Variants in ESRRB observed in about 807,000 individuals in gnomAD.
ESRRB encodes estrogen related receptor beta, also known as steroid hormone receptor ERR2.
In ESRRB, 16 loss-of-function variants were observed where a neutral mutation model predicts 46.0. The observed-to-expected ratio is 0.35, with a 90% CI of 0.24 to 0.53. The LOEUF is 0.53. ESRRB is among the 20% of genes least tolerant of loss of function. ESRRB has a pLI of 0.93. For missense variants in ESRRB, 488 were observed against 607.4 expected (o/e 0.80, Z 2.07); for synonymous variants, 246 against 259.6 (o/e 0.95, Z 0.50).
intron 1 of ESRRB, among the ~76,000 whole-genome samples, chr14:76,412,766 T>C (rs1166356700): frequency 1.3e-5 from 2 of 152,192 alleles, no homozygotes; most frequent in African/African-American, 4.8e-5. Context: ...TAGCTGGCTT[T>C]GCTAATGCAT....
chr14:76,386,398 A>AT (rs1054213960), intron 1 of ESRRB, among the ~76,000 whole-genome samples: 3 of 142,256 alleles, frequency 2.1e-5, no homozygotes, highest in Admixed American at 7.0e-5. Flanking sequence ...CATTGCTCTT[A>AT]TTTTTTTTCT....
intron 1 of ESRRB, among the ~76,000 whole-genome samples, chr14:76,335,345 C>T (rs1337095026): frequency 6.6e-6 from 1 of 152,200 alleles, no homozygotes; most frequent in East Asian, 1.9e-4. Context: ...GGCACTGTGT[C>T]TGGCTGGCTC....
At chr14:76,441,775 G>A (rs1441836232) in intron 2 of ESRRB, among the ~76,000 whole-genome samples, 1 of 152,184 alleles carries the variant, frequency 6.6e-6, no homozygotes, top group African/African-American at 2.4e-5. Flanking sequence ...GCGATGAGCT[G>A]GTGCCATCCA....
At chr14:76,313,524 T>A (rs1022178753) in intron 1 of ESRRB, among the ~76,000 whole-genome samples, 1 of 152,068 alleles carries the variant, frequency 6.6e-6, no homozygotes, top group Admixed American at 6.5e-5. Flanking sequence ...TCCTCCCAAA[T>A]TGGGGACAGT....
At chr14:76,452,643 C>CAAAAAA (rs397700387) in intron 2 of ESRRB, among the ~76,000 whole-genome samples, 2 of 94,376 alleles carry the variant, frequency 2.1e-5, no homozygotes, top group Non-Finnish European at 2.0e-5. Context: ...AAAACAAAAA[C>CAAAAAA]AAAACAAAAC....
chr14:76,458,982 C>T (rs188370428), intron 2 of ESRRB, among the ~76,000 whole-genome samples: 268 of 151,954 alleles, frequency 1.8e-3, no homozygotes, highest in African/African-American at 6.2e-3. Flanking sequence ...CTAGCTGGGA[C>T]TACAGGTGTG....
At chr14:76,440,260 A>T (rs1304708655) in intron 2 of ESRRB, among the ~76,000 whole-genome samples, 1 of 152,046 alleles carries the variant, frequency 6.6e-6, no homozygotes, top group African/African-American at 2.4e-5. Context: ...TCAAGCCAGG[A>T]GTTGAGACCA....
intron 1 of ESRRB, among the ~76,000 whole-genome samples, chr14:76,379,122 C>G (rs1346798694): frequency 1.3e-5 from 2 of 152,222 alleles, no homozygotes; most frequent in East Asian, 3.9e-4. Flanking sequence ...TGAACACACA[C>G]AGAGAGAAAC....
At chr14:76,369,133 G>A (rs536655677), upstream of ESRRB, among the ~76,000 whole-genome samples, 347 of 150,222 alleles carry the variant, frequency 2.3e-3, 1 homozygote, top group Non-Finnish European at 3.8e-3. Flanking sequence ...GGAGTCAGAG[G>A]TTGCAGTGAG....
chr14:76,463,259 T>C (rs55835922), intron 3 of ESRRB: 56,842 of 174,370 alleles, frequency 0.33, 10,850 homozygotes, highest in African/African-American at 0.55. Flanking sequence ...GGCTCCCGAG[T>C]GCTGGTCCAA....
At chr14:76,494,374 T>C (rs1173699020) in intron 6 of ESRRB, among the ~76,000 whole-genome samples, 3 of 151,192 alleles carry the variant, frequency 2.0e-5, no homozygotes, top group Admixed American at 6.6e-5. Flanking sequence ...TGGTGCAATC[T>C]CGGCCCACTG....
intron 2 of ESRRB, among the ~76,000 whole-genome samples, chr14:76,458,876 G>A (rs550014306): frequency 4.2e-4 from 56 of 131,934 alleles, no homozygotes; most frequent in African/African-American, 1.6e-3. Flanking sequence ...ACAGAGTCTC[G>A]CTCTGTCACC....
chr14:76,419,475 C>T (rs1304209444), intron 1 of ESRRB, among the ~76,000 whole-genome samples: 2 of 152,042 alleles, frequency 1.3e-5, no homozygotes, highest in African/African-American at 2.4e-5. Flanking sequence ...GAATATTCAC[C>T]CCCGAGCCTC....
intron 3 of ESRRB, chr14:76,463,187 T>G: frequency 4.7e-6 from 1 of 211,262 alleles, no homozygotes; most frequent in Non-Finnish European, 9.6e-6. Flanking sequence ...CTCTCCTTTC[T>G]CTCCCTGCGT....
chr14:76,419,870 G>T (rs1169154123), intron 1 of ESRRB, among the ~76,000 whole-genome samples: 3 of 148,998 alleles, frequency 2.0e-5, no homozygotes, highest in African/African-American at 7.3e-5. Flanking sequence ...GCCCGGCAGA[G>T]GGGGCAGGCA....
At chr14:76,358,396 AAAGAAAGAAAG>A (rs1595054007) in intron 1 of ESRRB, among the ~76,000 whole-genome samples, 32 of 136,100 alleles carry the variant, frequency 2.4e-4, no homozygotes, top group Non-Finnish European at 1.7e-4. Flanking sequence ...AGAAAGAAAG[AAAGAAAGAAAG>A]AAAGAAAAGA....
upstream of ESRRB, chr14:76,376,117 C>T: frequency 3.3e-6 from 1 of 300,012 alleles, no homozygotes; most frequent in East Asian, 5.2e-5. The surrounding 1 kb of genome is among the most constrained non-coding windows in gnomAD (Gnocchi z 4.1). Flanking sequence ...CTTAAAGCTA[C>T]AGTAGGGTTA....
chr14:76,410,119 G>A (rs375238373), intron 1 of ESRRB, among the ~76,000 whole-genome samples: 2 of 152,138 alleles, frequency 1.3e-5, no homozygotes, highest in Middle Eastern at 3.2e-3. Flanking sequence ...AGCTACTCAG[G>A]AGGCTGAGGC....
rs143173244 is a variant in ESRRB, at chr14:76,408,482, C to T, written c.51-30859C>T. On this transcript the variant is annotated intron_variant, in intron 1 of 6. Transcript: ENST00000644823. ...TGCATGCCTGTGGTCCCAGCTCCTC[C>T]GGAGGCTAAGGTGGTGGGGCGATTG... 1.2e-4 allele frequency among the ~76,000 whole-genome samples: 18 copies of T among 150,444 alleles called. 1 individual carries two copies. Among genetic ancestry groups the T allele is most frequent in the African/African-American group, 2.2e-4 (9 of 40,824 alleles).
Sources: allele counts gnomAD v4.1 joint callset (sites outside exome capture counted in the v4.1 genomes callset), GRCh38; gene constraint gnomAD v4.1.1; non-coding constraint Gnocchi (gnomAD v3.1); transcripts MANE v1.5; gene names NCBI Gene and HGNC (gene_info 2026-07-23, HGNC 2026-07-21).